The following GGACT variants were observed in gnomAD, a reference collection of about 807,000 sequenced individuals.
GGACT encodes the protein gamma-glutamylamine cyclotransferase.
For missense variants in GGACT, 241 were observed against 233.2 expected (o/e 1.03, Z -0.22); for synonymous variants, 118 against 115.3 (o/e 1.02, Z -0.15).
chr13:100,583,106 C>T (rs1343849095), intron 2 of GGACT, among the ~76,000 whole-genome samples: 1 of 152,158 alleles, frequency 6.6e-6, no homozygotes, highest in Non-Finnish European at 1.5e-5. Flanking sequence ...CAACATACGG[C>T]CAATCTTAAT....
At chr13:100,547,123 G>A (rs908943249) in intron 2 of GGACT, among the ~76,000 whole-genome samples, 1 of 152,180 alleles carries the variant, frequency 6.6e-6, no homozygotes, top group African/African-American at 2.4e-5. Context: ...TGGATTCAGT[G>A]CCGGCTCTGC....
intron 1 of GGACT, among the ~76,000 whole-genome samples, chr13:100,587,644 G>C (rs1445518861): frequency 2.0e-5 from 3 of 152,054 alleles, no homozygotes; most frequent in Non-Finnish European, 2.9e-5. Flanking sequence ...CTACGTGTGT[G>C]TAAGACCTAC....
chr13:100,549,566 C>A (rs925028936), intron 2 of GGACT, among the ~76,000 whole-genome samples: 2 of 152,236 alleles, frequency 1.3e-5, no homozygotes, highest in African/African-American at 4.8e-5. Flanking sequence ...CTTGTGCCAG[C>A]GGCAGGGAGC....
At chr13:100,583,309 T>G (rs1169766133) in intron 2 of GGACT, among the ~76,000 whole-genome samples, 1 of 152,244 alleles carries the variant, frequency 6.6e-6, no homozygotes, top group East Asian at 1.9e-4. Flanking sequence ...GAGATCGATA[T>G]TTTTAAGTAC....
rs778470021 is a variant in GGACT, at chr13:100,546,361, C to CAAAAAAA, written c.-10-13767_-10-13761dup. Among the ~76,000 whole-genome samples, 34 of 54,472 alleles carry CAAAAAAA rather than the reference C, an allele frequency of 6.2e-4. 1 individual carries two copies. The highest frequency in any genetic ancestry group is 1.2e-3 in the East Asian group (2 of 1,708). 35.7% of individuals were successfully genotyped at this position (54,472 alleles called of 152,430 possible). On this transcript the variant is annotated intron_variant, in intron 2 of 2. Coordinates refer to ENST00000683975, the MANE Select transcript of GGACT (RefSeq NM_001195087.2). ...TGGGCGACAGGGCAAGACTCTGTCT[C>CAAAAAAA]AAAAAAAAAAAAAAAAAAAAAAAGA... is the stretch of plus-strand genomic sequence containing the variant.
chr13:100,546,318 C>T (rs1341529513), intron 2 of GGACT, among the ~76,000 whole-genome samples: 1 of 144,514 alleles, frequency 6.9e-6, no homozygotes, highest in Non-Finnish European at 1.5e-5. Context: ...GCCGAGATGG[C>T]GCCACTGCAC....
intron 2 of GGACT, among the ~76,000 whole-genome samples, chr13:100,550,341 CACACACACACACA>C (rs2088649661): frequency 8.1e-6 from 1 of 122,958 alleles, no homozygotes; most frequent in Non-Finnish European, 1.7e-5. Context: ...CACACACACA[CACACACACACACA>C]CCACTGGCCC....
chr13:100,534,787 G>A lies in GGACT; in HGVS notation c.-10-2186C>T, dbSNP rs1478750883. On this transcript the variant is annotated intron_variant, in intron 2 of 2. Coordinates refer to ENST00000683975, the MANE Select transcript of GGACT (RefSeq NM_001195087.2). The surrounding 1 kb of genome is among the most constrained non-coding windows in gnomAD (Gnocchi z 4.9). Reference sequence around the variant, plus strand: ...CATCCCTGTTGTCTTTGTTCCCCTGGATCCTGCCCCCAGTGCACCACCCAG... The same window carrying A: ...CATCCCTGTTGTCTTTGTTCCCCTGAATCCTGCCCCCAGTGCACCACCCAG... Among the ~76,000 whole-genome samples the A allele has an allele frequency of 6.6e-6, 1 of 151,906 alleles. No individual in the cohort carries two copies. Among genetic ancestry groups the A allele is most frequent in the African/African-American group, 2.4e-5 (1 of 41,332 alleles).
intron 2 of GGACT, among the ~76,000 whole-genome samples, chr13:100,552,369 G>T (rs2088672107): frequency 6.6e-6 from 1 of 151,962 alleles, no homozygotes; most frequent in African/African-American, 2.4e-5. Context: ...ATTTAAGCCA[G>T]GGATTGATCC....
chr13:100,580,885 T>C lies in GGACT; in HGVS notation c.-11+2940A>G, dbSNP rs79265402. ...TATATTCATAAAAACCGGGCTCTCG[T>C]TGTTTAAGTGGTTCCCATAGGGCGA... is the stretch of plus-strand genomic sequence containing the variant. On this transcript the variant is annotated intron_variant, in intron 2 of 2. Coordinates refer to ENST00000683975, the MANE Select transcript of GGACT (RefSeq NM_001195087.2). Among the ~76,000 whole-genome samples, 153 of 152,302 alleles carry C rather than the reference T, an allele frequency of 1.0e-3. 2 individuals carry two copies. In the East Asian group the frequency reaches 0.028, roughly 28 times the overall value.
chr13:100,538,567 TACC>T (rs1478824169), intron 2 of GGACT: 1 of 152,230 alleles, frequency 6.6e-6, no homozygotes, highest in Non-Finnish European at 1.5e-5. Flanking sequence ...TGAAACTTTG[TACC>T]CATTAAACAA....
Position 100,532,259 on chromosome 13 carries a change from G to A in GGACT, c.333C>T (p.Pro111=). The change falls in exon 3 of 3, where the codon CCC becomes CCT. Residue 111 remains proline, a synonymous_variant. Transcript: ENST00000683975. ...TGTACACGAAGCACTGCACCGCGGT[G>A]GGCGCTGGCGGCTCCTCTGCGCCCG... ...RAPGAEEPPA[P]TAVQCFVYSR... is the part of the protein sequence containing the mutation. 1 of 1,526,768 alleles carries A rather than the reference G, an allele frequency of 6.5e-7. No homozygotes were observed. Among genetic ancestry groups the A allele is most frequent in the Non-Finnish European group, 8.8e-7 (1 of 1,131,534 alleles). 94.6% of individuals were successfully genotyped at this position (1,526,768 alleles called of 1,614,324 possible). A position where few individuals can be genotyped will look rare whatever the true frequency, so the allele number is the denominator to read the frequency against.
At chr13:100,575,383 T>C (rs1162446394) in intron 2 of GGACT, among the ~76,000 whole-genome samples, 2 of 152,208 alleles carry the variant, frequency 1.3e-5, no homozygotes, top group African/African-American at 2.4e-5. Flanking sequence ...CAACCAATAG[T>C]GATCAGAGAC....
At chr13:100,558,232 C>T (rs2088726748) in intron 2 of GGACT, among the ~76,000 whole-genome samples, 1 of 150,838 alleles carries the variant, frequency 6.6e-6, no homozygotes, top group South Asian at 2.1e-4. Context: ...CTGCAGTCCT[C>T]TTTGGGAGGC....
intron 2 of GGACT, among the ~76,000 whole-genome samples, chr13:100,567,913 C>A (rs1874955350): frequency 6.6e-6 from 1 of 152,180 alleles, no homozygotes. Flanking sequence ...ATCTCAGGTA[C>A]CACCATCTTC....
intron 2 of GGACT, among the ~76,000 whole-genome samples, chr13:100,533,110 C>G (rs529935817): frequency 6.6e-6 from 1 of 152,368 alleles, no homozygotes; most frequent in South Asian, 2.1e-4. Context: ...GACCTGCTGA[C>G]TGCGCAGCCT....
Position 100,543,356 on chromosome 13 carries a change from C to T in GGACT, c.-10-10755G>A, listed in dbSNP as rs574602897. On this transcript the variant is annotated intron_variant, in intron 2 of 2. Transcript: ENST00000683975. ...CTGAGTAGCTGGGACTATAGGTGCCCACCACCACGCCTGGCTAATTTTTGT... is the reference window on the plus strand; with the variant it reads ...CTGAGTAGCTGGGACTATAGGTGCCTACCACCACGCCTGGCTAATTTTTGT... Among the ~76,000 whole-genome samples, 16 of 151,940 alleles carry T rather than the reference C, an allele frequency of 1.1e-4. No homozygotes were observed. In the East Asian group the frequency reaches 2.9e-3, roughly 28 times the overall value.
chr13:100,547,192 C>G lies in GGACT; in HGVS notation c.-10-14591G>C, dbSNP rs146121824. ...CAGACCCTCAGACCAGGCCCGGGAGCAGGGCAGAAGCAGGACGTGCAGAGT... is the reference window on the plus strand; with the variant it reads ...CAGACCCTCAGACCAGGCCCGGGAGGAGGGCAGAAGCAGGACGTGCAGAGT... On this transcript the variant is annotated intron_variant, in intron 2 of 2. Transcript: ENST00000683975. Among the ~76,000 whole-genome samples the G allele has an allele frequency of 2.7e-3, 406 of 152,280 alleles. 7 individuals are homozygous for G. In the South Asian group the frequency reaches 0.027, roughly 10 times the overall value.
intron 2 of GGACT, among the ~76,000 whole-genome samples, chr13:100,564,771 G>C (rs1285292989): frequency 6.6e-6 from 1 of 152,158 alleles, no homozygotes; most frequent in African/African-American, 2.4e-5. Flanking sequence ...TCAACACCTG[G>C]TGTCACCAGC....
Sources: allele counts gnomAD v4.1 joint callset (sites outside exome capture counted in the v4.1 genomes callset), GRCh38; gene constraint gnomAD v4.1.1; non-coding constraint Gnocchi (gnomAD v3.1); transcripts MANE v1.5; gene names NCBI Gene and HGNC (gene_info 2026-07-23, HGNC 2026-07-21).